ADGRL2: variants seen among roughly 807,000 people sequenced by gnomAD.
The protein encoded by ADGRL2 is adhesion G protein-coupled receptor L2, also known as calcium-independent alpha-latrotoxin receptor 2.
Under a neutral mutation model 157.4 loss-of-function variants are expected in ADGRL2, and 44 were observed. The observed-to-expected ratio is 0.28, with a 90% confidence interval of 0.22 to 0.36. The LOEUF is 0.36. ADGRL2 is among the 10% of genes least tolerant of loss of function. The pLI is 1.00. For synonymous variants in ADGRL2, 585 were observed against 624.7 expected, an observed-to-expected ratio of 0.94 and a Z score of 0.95; for missense variants, 1,510 against 1,768.9, an observed-to-expected ratio of 0.85 and a Z score of 2.63.
intron 1 of ADGRL2, among the ~76,000 whole-genome samples, chr1:81,397,554 C>T (rs1318378378): frequency 3.3e-5 from 5 of 151,936 alleles, no homozygotes; most frequent in South Asian, 4.2e-4. Flanking sequence ...CTCCTGACCT[C>T]GTGATCCACC....
intron 1 of ADGRL2, among the ~76,000 whole-genome samples, chr1:81,386,746 C>T (rs1038460453): frequency 1.1e-4 from 17 of 152,160 alleles, no homozygotes; most frequent in African/African-American, 4.1e-4. Flanking sequence ...CTGCCATTCT[C>T]ATGAATAGAA....
rs112838589 is a variant in ADGRL2 at position 81,343,762 on chromosome 1, A to G, written c.-302+37253A>G. Among the ~76,000 whole-genome samples the G allele has an allele frequency of 2.5e-3, 378 of 152,248 alleles. 2 individuals are homozygous for G. Among genetic ancestry groups the G allele is most frequent in the African/African-American group, 8.6e-3 (358 of 41,554 alleles). On this transcript the variant is annotated intron_variant, in intron 1 of 24. Coordinates refer to the ADGRL2 transcript ENST00000370721. The stretch of plus-strand genomic sequence containing the variant: ...AGAGAGAGAGAGAAAGAGAGCATAC[A>G]CTGGTGCTTCCACTTCTTCTAAGGA...
intron 2 of ADGRL2, among the ~76,000 whole-genome samples, chr1:81,452,515 T>G (rs758220671): frequency 6.6e-6 from 1 of 152,186 alleles, no homozygotes; most frequent in Non-Finnish European, 1.5e-5. Flanking sequence ...TCATTCAACA[T>G]ATGAAAACCC....
intron 3 of ADGRL2, among the ~76,000 whole-genome samples, chr1:81,680,907 T>G (rs1000888106): frequency 1.3e-5 from 2 of 152,080 alleles, no homozygotes; most frequent in African/African-American, 4.8e-5. Context: ...GGCTGGGATT[T>G]TTAAAAGGCA....
Position 81,990,505 on chromosome 1 carries a change from T to A in ADGRL2, c.3770T>A (p.Val1257Asp), listed in dbSNP as rs1664389413. The change falls in exon 24 of 24, where the codon GTT becomes GAT. Residue 1257 changes from valine to aspartate, a missense_variant. Around this residue, in one of 4 missense-constraint regions of ADGRL2, gnomAD observed 327 missense variants for 310.1 expected, o/e 1.05. Coordinates refer to ENST00000686636, the MANE Select transcript of ADGRL2 (RefSeq NM_001366006.2). ...HKGDYNDSVQ[V>D]VDCGLSLNDT... ...GGTGACTATAATGACAGCGTGCAAG[T>A]TGTGGACTGTGGACTAAGTCTGAAT... is the stretch of plus-strand genomic sequence containing the variant. The A allele has an allele frequency of 6.2e-7, 1 of 1,614,102 alleles. No individual in the cohort carries two copies. The highest frequency in any genetic ancestry group is 2.2e-5 in the East Asian group (1 of 44,876).
At position 81,973,143 on chromosome 1, in the gene ADGRL2, T is replaced by A. The variant is rs181767227; in HGVS notation, c.3021+1225T>A. ...ACTTAAAACCACTTCAAGTGTATAT[T>A]TGTTTGTCATTAAAATTAATTATTT... On this transcript the variant is annotated intron_variant, in intron 17 of 23. Coordinates refer to ENST00000686636, the MANE Select transcript of ADGRL2 (RefSeq NM_001366006.2). Among the ~76,000 whole-genome samples, 110 of 152,232 alleles carry A rather than the reference T, an allele frequency of 7.2e-4. 2 individuals carry two copies. The highest frequency in any genetic ancestry group is 2.6e-3 in the African/African-American group (107 of 41,532).
At chr1:81,629,844 G>A (rs1362025537) in intron 3 of ADGRL2, among the ~76,000 whole-genome samples, 1 of 152,018 alleles carries the variant, frequency 6.6e-6, no homozygotes, top group East Asian at 1.9e-4. Flanking sequence ...TCCTACCTCA[G>A]CTTGCCAACG....
At chr1:81,524,280 G>A (rs2079398930) in intron 2 of ADGRL2, among the ~76,000 whole-genome samples, 1 of 151,958 alleles carries the variant, frequency 6.6e-6, no homozygotes, top group Non-Finnish European at 1.5e-5. Flanking sequence ...GCAGGAGAAT[G>A]GCGTAAACCT....
rs188784834 is a variant in ADGRL2, at chr1:81,877,637, C to T, written c.74-29380C>T. Among the ~76,000 whole-genome samples the T allele has an allele frequency of 9.9e-5, 15 of 151,982 alleles. No individual in the cohort carries two copies. The East Asian group carries it at 2.9e-3, about 29-fold the overall frequency. On this transcript the variant is annotated intron_variant, in intron 2 of 23. Transcript: ENST00000686636. ...AGAGCCACATTTTACTGAAACTAAA[C>T]CTAGGAACAATACGTGGCTTTTTTT...
At chr1:81,617,815 A>G (rs2081694974) in intron 3 of ADGRL2, among the ~76,000 whole-genome samples, 2 of 152,240 alleles carry the variant, frequency 1.3e-5, no homozygotes, top group African/African-American at 4.8e-5. Flanking sequence ...CTCAGCAAAC[A>G]GACATGCTTC....
intron 1 of ADGRL2, among the ~76,000 whole-genome samples, chr1:81,759,696 A>G (rs2085806402): frequency 6.6e-6 from 1 of 152,120 alleles, no homozygotes; most frequent in African/African-American, 2.4e-5. Context: ...AAACTGCTGT[A>G]TTACTGAAGC....
At chr1:81,596,404 C>T (rs372078811) in intron 3 of ADGRL2, 2 of 476,224 alleles carry the variant, frequency 4.2e-6, no homozygotes, top group Middle Eastern at 7.8e-4. Context: ...TCAGCTCACA[C>T]CTTCTCCAGA....
chr1:81,885,769 G>GA (rs755830849), intron 2 of ADGRL2, among the ~76,000 whole-genome samples: 16 of 152,124 alleles, frequency 1.1e-4, no homozygotes, highest in Non-Finnish European at 4.4e-5. Flanking sequence ...TTTACTACTT[G>GA]AAAATCTCAC....
chr1:81,522,454 A>G (rs1029879422), intron 2 of ADGRL2, among the ~76,000 whole-genome samples: 4 of 152,206 alleles, frequency 2.6e-5, no homozygotes, highest in Non-Finnish European at 5.9e-5. Context: ...ATAACATGTC[A>G]GTTCAAGAGC....
At chr1:81,735,539 C>G (rs145743383) in intron 1 of ADGRL2, among the ~76,000 whole-genome samples, 2,587 of 152,244 alleles carry the variant, frequency 0.017, 68 homozygotes, top group African/African-American at 0.058. Context: ...CCTGTAATCC[C>G]AGCACTTTGG....
At chr1:81,860,757 A>G (rs1284126845) in intron 2 of ADGRL2, among the ~76,000 whole-genome samples, 1 of 152,194 alleles carries the variant, frequency 6.6e-6, no homozygotes, top group Non-Finnish European at 1.5e-5. Context: ...AAGGGGGCCA[A>G]TATTTATGCT....
chr1:81,975,543 G>A (rs979199755), intron 17 of ADGRL2, among the ~76,000 whole-genome samples: 1 of 151,780 alleles, frequency 6.6e-6, no homozygotes, highest in Non-Finnish European at 1.5e-5. Flanking sequence ...TACCATGTTG[G>A]ATGGTTGTGA....
intron 1 of ADGRL2, among the ~76,000 whole-genome samples, chr1:81,417,069 G>A (rs2077045164): frequency 6.6e-6 from 1 of 152,046 alleles, no homozygotes; most frequent in African/African-American, 2.4e-5. Flanking sequence ...TATATTCTAT[G>A]TACAAAAAGC....
intron 2 of ADGRL2, among the ~76,000 whole-genome samples, chr1:81,887,486 T>G: frequency 1.3e-5 from 2 of 152,314 alleles, no homozygotes; most frequent in East Asian, 3.9e-4. Context: ...ATGAGTATTA[T>G]TTCATGAAAT....
Sources: gnomAD v4.1 joint callset for allele counts (sites outside exome capture counted in the v4.1 genomes callset) on GRCh38, gnomAD v4.1.1 for gene constraint, gnomAD v4.1.1 regional missense constraint, MANE v1.5 for transcripts, NCBI Gene and HGNC (gene_info 2026-07-23, HGNC 2026-07-21) for gene names.